The following LMO7 variants were observed in gnomAD, a reference collection of about 807,000 sequenced individuals.
LMO7 encodes LIM domain only protein 7.
Under a neutral mutation model 206.5 loss-of-function variants are expected in LMO7, and 120 were observed. The observed-to-expected ratio is 0.58, with a 90% CI of 0.50 to 0.68. The LOEUF is 0.68. Among genes scored for constraint, LMO7 ranks in the 30% least tolerant of loss-of-function variants. LMO7 has a pLI of 0.00. For synonymous variants in LMO7, 706 were observed against 681.5 expected, an observed-to-expected ratio of 1.04 and a Z score of -0.56; for missense variants, 1,959 against 1,957.9, an observed-to-expected ratio of 1.00 and a Z score of -0.01.
intron 4 of LMO7, among the ~76,000 whole-genome samples, chr13:75,772,596 A>C (rs1213186324): frequency 1.3e-5 from 2 of 152,114 alleles, no homozygotes; most frequent in South Asian, 4.1e-4. Context: ...GGAAACCCTC[A>C]TATGACTCCA....
chr13:75,849,242 C>T lies in LMO7; in HGVS notation c.4314C>T (p.Arg1438=), dbSNP rs1297215597. The T allele has an allele frequency of 6.2e-7, 1 of 1,614,130 alleles. No individual in the cohort carries two copies. The highest frequency in any genetic ancestry group is 8.5e-7 in the Non-Finnish European group (1 of 1,179,978). ...LHNDNSWIRQ[R]SASVNKEPVS... ...ATGACAACAGCTGGATCCGACAGCG[C>T]AGTGCCAGTGTCAACAAAGAGCCTG... is the stretch of plus-strand genomic sequence containing the variant. Residue 1438 remains arginine (R), a synonymous_variant, in exon 27 of 31, where the codon CGC becomes CGT. Transcript: ENST00000377534.
chr13:75,644,264 T>C (rs779263109), intron 1 of LMO7, among the ~76,000 whole-genome samples: 10 of 152,152 alleles, frequency 6.6e-5, no homozygotes, highest in Non-Finnish European at 1.5e-4. Flanking sequence ...CTATTCTTAC[T>C]GAGGATGTTC....
chr13:75,857,586 C>T (rs2061070166), intron 30 of LMO7: 1 of 182,206 alleles, frequency 5.5e-6, no homozygotes. Context: ...GTGTTTTTCT[C>T]TCTCTCATCA....
chr13:75,720,922 G>A (rs1180313084), intron 2 of LMO7, among the ~76,000 whole-genome samples: 1 of 152,042 alleles, frequency 6.6e-6, no homozygotes, highest in Non-Finnish European at 1.5e-5. Flanking sequence ...TATATTGAAT[G>A]CTTTTAGACT....
At chr13:75,804,656 G>A in intron 8 of LMO7, 115 bp downstream of exon 8, 1 of 1,260,272 alleles carries the variant, frequency 7.9e-7, no homozygotes, top group Non-Finnish European at 1.1e-6. Context: ...TATTAAGCTT[G>A]ACTAGTGAGA....
At chr13:75,855,195 C>A in intron 28 of LMO7, 65 bp from the exon 29 acceptor site, 1 of 940,854 alleles carries the variant, frequency 1.1e-6, no homozygotes, top group Non-Finnish European at 1.7e-6. Flanking sequence ...CAGAGTGTGA[C>A]TTTTAAAGAA....
chr13:75,701,660 A>C (rs574908459), intron 1 of LMO7, among the ~76,000 whole-genome samples: 43 of 152,308 alleles, frequency 2.8e-4, no homozygotes, highest in Middle Eastern at 3.4e-3. Context: ...AGAAAAAAAT[A>C]ATTTAAGGCT....
chr13:75,690,977 C>T (rs902498874), intron 1 of LMO7, among the ~76,000 whole-genome samples: 3 of 152,104 alleles, frequency 2.0e-5, no homozygotes, highest in African/African-American at 7.2e-5. Context: ...TGTCTTTACA[C>T]ATAAAATTTT....
intron 4 of LMO7, among the ~76,000 whole-genome samples, chr13:75,781,034 T>G (rs1408497681): frequency 1.3e-5 from 2 of 151,364 alleles, no homozygotes; most frequent in South Asian, 4.2e-4. Context: ...AAAATACATT[T>G]ATAATTATCT....
chr13:75,824,488 C>T (rs1234119182), intron 15 of LMO7, among the ~76,000 whole-genome samples: 2 of 152,104 alleles, frequency 1.3e-5, no homozygotes, highest in East Asian at 3.9e-4. Flanking sequence ...CAAAATATAC[C>T]ATCAGATGAA....
Position 75,821,619 on chromosome 13 carries a change from G to A in LMO7, c.2640+10G>A. The A allele has an allele frequency of 6.2e-7, 1 of 1,600,594 alleles. No homozygotes were observed. Among genetic ancestry groups the A allele is most frequent in the South Asian group, 1.1e-5 (1 of 89,096 alleles). Reference sequence around the variant, plus strand: ...CCCCAGATCTTACACGGTAAAAAATGTTCTCGGTTCATTTAGTCTGTTCTG... The same window carrying A: ...CCCCAGATCTTACACGGTAAAAAATATTCTCGGTTCATTTAGTCTGTTCTG... On this transcript the variant is annotated intron_variant, in intron 14 of 30. Transcript: ENST00000377534.
intron 2 of LMO7, among the ~76,000 whole-genome samples, chr13:75,716,175 A>G (rs1241784060): frequency 6.6e-6 from 1 of 152,206 alleles, no homozygotes; most frequent in Non-Finnish European, 1.5e-5. Context: ...AATTTTAAAA[A>G]AATCCATTAG....
At chr13:75,690,620 A>G (rs922979442) in intron 1 of LMO7, among the ~76,000 whole-genome samples, 19 of 152,158 alleles carry the variant, frequency 1.2e-4, no homozygotes, top group African/African-American at 4.1e-4. Context: ...TGGTAAGACT[A>G]CTCAACTCTC....
At chr13:75,663,632 A>G (rs1474015052) in intron 1 of LMO7, among the ~76,000 whole-genome samples, 2 of 151,824 alleles carry the variant, frequency 1.3e-5, no homozygotes, top group African/African-American at 4.8e-5. Context: ...GGGTTTCACA[A>G]TGTTAGCCAG....
chr13:75,721,873 A>G (rs1005527190), intron 2 of LMO7, among the ~76,000 whole-genome samples: 1 of 152,226 alleles, frequency 6.6e-6, no homozygotes, highest in Non-Finnish European at 1.5e-5. Flanking sequence ...AGACCAATAG[A>G]ACAGAATAAA....
chr13:75,856,979 C>T (rs1032340760), intron 30 of LMO7: 3 of 158,954 alleles, frequency 1.9e-5, no homozygotes, highest in African/African-American at 4.8e-5. Context: ...ATTGGTCCCT[C>T]ATCAACTTCT....
intron 3 of LMO7, among the ~76,000 whole-genome samples, chr13:75,735,384 A>C (rs763743613): frequency 3.6e-4 from 55 of 151,788 alleles, no homozygotes; most frequent in Non-Finnish European, 6.9e-4. Flanking sequence ...CACACACACA[A>C]CTTTCTACTA....
chr13:75,853,221 G>C lies in LMO7; in HGVS notation c.4494G>C (p.Leu1498=). The C allele has an allele frequency of 6.2e-7, 1 of 1,614,034 alleles. No homozygotes were observed. Among genetic ancestry groups the C allele is most frequent in the Non-Finnish European group, 8.5e-7 (1 of 1,179,988 alleles). The stretch of plus-strand genomic sequence containing the variant: ...ACTTTAGTCGCCCACCACCTCAGCT[G>C]GTGTCCACATCAAACCGTGCCTACA... ...VQDFSRPPPQ[L]VSTSNRAYMR... Residue 1498 remains leucine (L), a synonymous_variant, in exon 28 of 31, where the codon CTG becomes CTC. Transcript: ENST00000377534.
At chr13:75,850,937 GC>G (rs1357671069) in intron 27 of LMO7, among the ~76,000 whole-genome samples, 1 of 152,108 alleles carries the variant, frequency 6.6e-6, no homozygotes, top group Non-Finnish European at 1.5e-5. Context: ...CTTGGCCAGA[GC>G]TACTAGTTGA....
Sources: gnomAD v4.1 joint callset for allele counts (sites outside exome capture counted in the v4.1 genomes callset) on GRCh38, gnomAD v4.1.1 for gene constraint, MANE v1.5 for transcripts, NCBI Gene and HGNC (gene_info 2026-07-23, HGNC 2026-07-21) for gene names.